SYTL5: variants seen among roughly 807,000 people sequenced by gnomAD.
SYTL5 encodes synaptotagmin-like protein 5.
SYTL5 carries 34 observed loss-of-function variants against 55.9 expected under a neutral mutation model. The observed-to-expected ratio is 0.61, with a 90% CI of 0.46 to 0.81. SYTL5 has a LOEUF of 0.81. Ranked by LOEUF, SYTL5 falls within the 30% of genes least tolerant of loss-of-function variation. The probability of loss-of-function intolerance (pLI) is 0.00; values close to 1 mark genes in which losing one functional copy is unlikely to be tolerated. For synonymous variants in SYTL5, 221 were observed against 188.7 expected, an observed-to-expected ratio of 1.17 and a Z score of -1.40; for missense variants, 637 against 546.7, an observed-to-expected ratio of 1.17 and a Z score of -1.65.
chrX:38,096,079 A>G (rs957334631), intron 8 of SYTL5, 55 bp from the exon 9 acceptor site: 9 of 644,440 alleles, frequency 1.4e-5, no homozygotes, highest in Non-Finnish European at 2.1e-5. Context: ...AAAAAATGAA[A>G]TCTTCTCACA....
At chrX:37,904,688 TCA>T in the SYTL5 span, among the ~76,000 whole-genome samples, 2 of 111,037 alleles carry the variant, frequency 1.8e-5, no homozygotes, top group African/African-American at 3.3e-5. Context: ...GGGGGAGATC[TCA>T]GTTTATAATG....
intron 5 of SYTL5, among the ~76,000 whole-genome samples, chrX:38,075,274 T>TG (rs905599625): frequency 4.5e-5 from 5 of 111,840 alleles, no homozygotes; most frequent in Admixed American, 2.9e-4. Flanking sequence ...AACATCTATT[T>TG]GGGGAGAAAA....
chrX:37,998,777 T>G, the SYTL5 span, among the ~76,000 whole-genome samples: 2 of 111,592 alleles, frequency 1.8e-5, no homozygotes, highest in African/African-American at 6.5e-5. Flanking sequence ...CCTAAAGATC[T>G]CATAACACTT....
intron 13 of SYTL5, among the ~76,000 whole-genome samples, chrX:38,118,755 G>T (rs766893734): frequency 4.6e-5 from 5 of 109,556 alleles, no homozygotes; most frequent in Non-Finnish European, 7.6e-5. Context: ...ATCAAACCAG[G>T]TTTTGCTTAT....
In SYTL5 at chrX:38,044,107, A is replaced by AT. The variant is rs754687505; in HGVS notation, c.119+10101dup. ...CTTTCGTAGAATCTGAAAGTTTGTA[A>AT]TTAACTGCCAGTGATGGTTTTCAGT... is the stretch of plus-strand genomic sequence containing the variant. On this transcript the variant is annotated intron_variant, in intron 2 of 16. Transcript: ENST00000297875. Among the ~76,000 whole-genome samples the AT allele has an allele frequency of 5.9e-4, 66 of 111,105 alleles. 1 individual carries two copies. The highest frequency in any genetic ancestry group is 3.3e-3 in the Admixed American group (34 of 10,361).
At chrX:37,938,940 T>A in the SYTL5 span, among the ~76,000 whole-genome samples, 1 of 111,833 alleles carries the variant, frequency 8.9e-6, no homozygotes, top group South Asian at 3.7e-4. Flanking sequence ...AATACAAAAA[T>A]TTTTGAAACA....
At chrX:38,082,028 G>A (rs138415847) in intron 6 of SYTL5, among the ~76,000 whole-genome samples, 38 of 111,812 alleles carry the variant, frequency 3.4e-4, no homozygotes, top group Admixed American at 1.3e-3. Flanking sequence ...CTTCAAAGAC[G>A]CAGTTTGTCA....
At chrX:38,110,561 T>G in intron 13 of SYTL5, 79 bp downstream of exon 13, 1 of 836,874 alleles carries the variant, frequency 1.2e-6, no homozygotes, top group Non-Finnish European at 1.6e-6. Flanking sequence ...CCTAAAGAAC[T>G]TGAAGACTTT....
chrX:37,896,261 T>A, the SYTL5 span, among the ~76,000 whole-genome samples: 1 of 112,148 alleles, frequency 8.9e-6, no homozygotes, highest in African/African-American at 3.2e-5. Context: ...GATTCACAAA[T>A]GAATGGAGAG....
chrX:38,019,363 T>C (rs1421263230), intron 1 of SYTL5, among the ~76,000 whole-genome samples: 2 of 112,065 alleles, frequency 1.8e-5, no homozygotes, highest in East Asian at 5.6e-4. Context: ...AGTTAGTCAC[T>C]ATTTCTTCTG....
intron 1 of SYTL5, among the ~76,000 whole-genome samples, chrX:38,013,255 A>T (rs1350680226): frequency 8.9e-6 from 1 of 112,481 alleles, no homozygotes; most frequent in Non-Finnish European, 1.9e-5. Context: ...GTGAATTCCC[A>T]TCTGACTCTT....
intron 2 of SYTL5, among the ~76,000 whole-genome samples, chrX:38,038,277 C>T (rs1935173387): frequency 9.0e-6 from 1 of 111,658 alleles, no homozygotes; most frequent in Non-Finnish European, 1.9e-5. Context: ...GGCTATAGCC[C>T]CCGTTCCCAC....
chrX:38,086,339 A>G (rs1301186962), intron 6 of SYTL5, among the ~76,000 whole-genome samples: 1 of 112,077 alleles, frequency 8.9e-6, no homozygotes, highest in Non-Finnish European at 1.9e-5. Context: ...GATTGCTGTC[A>G]GATGTGTTTC....
At chrX:37,893,235 C>A in the SYTL5 span, among the ~76,000 whole-genome samples, 27 of 78,051 alleles carry the variant, frequency 3.5e-4, no homozygotes, top group African/African-American at 1.6e-3. Context: ...ATACCACAAT[C>A]TATACTATAT....
chrX:38,072,818 T>C (rs111893096), intron 4 of SYTL5, among the ~76,000 whole-genome samples: 251 of 112,422 alleles, frequency 2.2e-3, no homozygotes, highest in African/African-American at 7.8e-3. Flanking sequence ...TACAATTTAG[T>C]TAATTAAAGA....
chrX:38,043,281 T>C (rs1229174460), intron 2 of SYTL5, among the ~76,000 whole-genome samples: 1 of 110,423 alleles, frequency 9.1e-6, no homozygotes, highest in African/African-American at 3.3e-5. Context: ...GAAAATTACA[T>C]AACCATATAA....
intron 2 of SYTL5, among the ~76,000 whole-genome samples, chrX:38,037,025 C>G (rs1416206540): frequency 1.8e-5 from 2 of 111,656 alleles, no homozygotes; most frequent in Non-Finnish European, 3.8e-5. Flanking sequence ...TGGAGTCCCT[C>G]TCACCTCCTA....
chrX:38,100,461 A>G (rs1937053912), intron 9 of SYTL5, among the ~76,000 whole-genome samples: 1 of 111,714 alleles, frequency 9.0e-6, no homozygotes, highest in Non-Finnish European at 1.9e-5. Context: ...GTGACAACTT[A>G]CCATAAACCA....
At chrX:38,012,568 G>T (rs1474782768) in intron 1 of SYTL5, among the ~76,000 whole-genome samples, 4 of 111,546 alleles carry the variant, frequency 3.6e-5, no homozygotes, top group Non-Finnish European at 7.5e-5. Flanking sequence ...TTATAAAAAC[G>T]AAAGTTCAGC....
Sources: allele counts gnomAD v4.1 joint callset (sites outside exome capture counted in the v4.1 genomes callset), GRCh38; gene constraint gnomAD v4.1.1; transcripts MANE v1.5; gene names NCBI Gene and HGNC (gene_info 2026-07-23, HGNC 2026-07-21).